Variants in NYNRIN observed in about 807,000 individuals in gnomAD.
The protein encoded by NYNRIN is protein NYNRIN.
In NYNRIN, 86 loss-of-function variants were observed where a neutral mutation model predicts 146.6. That is an observed-to-expected ratio of 0.59 (90% CI 0.49 to 0.70). NYNRIN has a LOEUF of 0.70. NYNRIN is among the 30% of genes least tolerant of loss of function. The pLI is 0.00. For missense variants in NYNRIN, 2,191 were observed against 2,377.7 expected, an observed-to-expected ratio of 0.92 and a Z score of 1.63; for synonymous variants, 1,027 against 1,001.3, an observed-to-expected ratio of 1.03 and a Z score of -0.48.
Position 24,408,443 on chromosome 14 carries a change from C to T in NYNRIN, c.773C>T (p.Ser258Leu). 6.2e-7 allele frequency: 1 copy of T among 1,612,980 alleles called. No individual in the cohort carries two copies. The highest frequency in any genetic ancestry group is 8.5e-7 in the Non-Finnish European group (1 of 1,179,488). The change falls in exon 3 of 9, where the codon TCA becomes TTA. Residue 258 changes from serine to leucine, a missense_variant. Physicochemically the swap from Ser to Leu is moderately radical, Grantham distance 145. Around this residue, in one of 3 missense-constraint regions of NYNRIN, gnomAD observed 895 missense variants for 941.2 expected, o/e 0.95. Transcript: ENST00000382554. ...GTLQNRGPEN[S>L]KRLSSLGATG... ...CTCCAGAACAGGGGCCCAGAAAATT[C>T]AAAGAGATTATCTAGCCTGGGAGCC... is the stretch of plus-strand genomic sequence containing the variant.
At position 24,417,583 on chromosome 14, in the gene NYNRIN, T is replaced by C; in HGVS notation, c.*137T>C. ...GTAGAGAACTTGCTTCATAAAGCTTTGCTGAATTGCCTTGAACTAGGGACC... is the reference window on the plus strand; with the variant it reads ...GTAGAGAACTTGCTTCATAAAGCTTCGCTGAATTGCCTTGAACTAGGGACC... On this transcript the variant is annotated 3_prime_UTR_variant, in exon 9 of 9. Coordinates refer to ENST00000382554, the MANE Select transcript of NYNRIN (RefSeq NM_025081.3). The C allele has an allele frequency of 8.0e-7, 1 of 1,245,216 alleles. No homozygotes were observed. The highest frequency in any genetic ancestry group is 1.1e-6 in the Non-Finnish European group (1 of 952,362). 77.1% of individuals were successfully genotyped at this position (1,245,216 alleles called of 1,614,324 possible).
In NYNRIN at chr14:24,407,879, A is replaced by G. The variant is rs1464270461; in HGVS notation, c.209A>G (p.Lys70Arg). The change falls in exon 3 of 9, where the codon AAG becomes AGG. Residue 70 changes from lysine (K) to arginine (R), a missense_variant. This residue lies in a region of NYNRIN where 895 missense variants were observed against 941.2 expected (regional missense o/e 0.95). Coordinates refer to ENST00000382554, the MANE Select transcript of NYNRIN (RefSeq NM_025081.3). Reference protein sequence around the residue: ...ENMGKAKEYLKGLCSPELWKE... With the variant: ...ENMGKAKEYLRGLCSPELWKE... ...CCCCATTGTGCCCAGGAATACCTGAAGGGCCTGTGCAGCCCAGAGCTGTGG... is the reference window on the plus strand; with the variant it reads ...CCCCATTGTGCCCAGGAATACCTGAGGGGCCTGTGCAGCCCAGAGCTGTGG... 1 of 1,604,898 alleles carries G rather than the reference A, an allele frequency of 6.2e-7. No homozygotes were observed. Among genetic ancestry groups the G allele is most frequent in the South Asian group, 1.1e-5 (1 of 90,312 alleles).
At chr14:24,404,813 A>G (rs2042866277) in intron 2 of NYNRIN, among the ~76,000 whole-genome samples, 1 of 152,156 alleles carries the variant, frequency 6.6e-6, no homozygotes, top group African/African-American at 2.4e-5. Flanking sequence ...AGTGGGAAGA[A>G]TGAGTTTCTC....
At position 24,416,809 on chromosome 14, in the gene NYNRIN, G is replaced by T. The variant is rs758775630; in HGVS notation, c.5060G>T (p.Arg1687Leu). Residue 1687 changes from arginine (R) to leucine (L), a missense_variant, in exon 9 of 9, where the codon CGG becomes CTG. This residue lies in a region of NYNRIN where 1,291 missense variants were observed against 1,417.0 expected (regional missense o/e 0.91). Coordinates refer to ENST00000382554, the MANE Select transcript of NYNRIN (RefSeq NM_025081.3). ...LEAAQGPQFARHVLVSCGLAL... is the reference protein window; with the variant it reads ...LEAAQGPQFALHVLVSCGLAL... ...GCAGCCCAGGGGCCCCAGTTTGCCC[G>T]GCACGTCCTTGTGAGCTGTGGGCTG... 2 of 1,612,064 alleles carry T rather than the reference G, an allele frequency of 1.2e-6. No homozygotes were observed. Among genetic ancestry groups the T allele is most frequent in the Non-Finnish European group, 1.7e-6 (2 of 1,178,972 alleles).
In NYNRIN at chr14:24,416,880, C is replaced by T. The variant is rs750891833; in HGVS notation, c.5131C>T (p.Pro1711Ser). 1.9e-6 allele frequency: 3 copies of T among 1,607,200 alleles called. No homozygotes were observed. The highest frequency in any genetic ancestry group is 2.2e-5 in the South Asian group (2 of 90,452). The change falls in exon 9 of 9, where the codon CCC (proline) becomes TCC (serine). Residue 1711 changes from proline (P) to serine (S), a missense_variant. By Grantham distance (74) the Pro-to-Ser change is moderately conservative. Coordinates refer to ENST00000382554, the MANE Select transcript of NYNRIN (RefSeq NM_025081.3). The stretch of plus-strand genomic sequence containing the variant: ...CTCCCTGAGTCGGGACCTCCAGTTC[C>T]CCTGCCTGACGAGCTCAGGGGCCTA... ...VASLSRDLQFPCLTSSGAYWE... is the reference protein window; with the variant it reads ...VASLSRDLQFSCLTSSGAYWE...
At chr14:24,410,266 C>T (rs1360733484) in intron 4 of NYNRIN, 58 bp downstream of exon 4, 1 of 1,383,302 alleles carries the variant, frequency 7.2e-7, no homozygotes, top group Non-Finnish European at 9.9e-7. Flanking sequence ...GGCAGGGCAT[C>T]CCTGGGGGAC....
rs1045933777 is a variant in NYNRIN at position 24,399,326 on chromosome 14, A to G, written c.80A>G (p.Gln27Arg). Residue 27 changes from glutamine (Q) to arginine (R), a missense_variant, in exon 2 of 9, where the codon CAG becomes CGG. Physicochemically the swap from Gln to Arg is conservative, Grantham distance 43 (BLOSUM62 1). Transcript: ENST00000382554. ...QTKSKPRVQRQRLQVQRIFRV... is the reference protein window; with the variant it reads ...QTKSKPRVQRRRLQVQRIFRV... ...AAATCGAAGCCTCGGGTGCAGCGGCAGCGGCTGCAAGTGCAGCGCATCTTT... is the reference window on the plus strand; with the variant it reads ...AAATCGAAGCCTCGGGTGCAGCGGCGGCGGCTGCAAGTGCAGCGCATCTTT... 1 of 1,613,828 alleles carries G rather than the reference A, an allele frequency of 6.2e-7. No individual in the cohort carries two copies. The highest frequency in any genetic ancestry group is 1.3e-5 in the African/African-American group (1 of 75,060).
At chr14:24,408,564 T>A in intron 3 of NYNRIN, 37 bp downstream of exon 3, 1 of 1,542,148 alleles carries the variant, frequency 6.5e-7, no homozygotes, top group South Asian at 1.3e-5. Context: ...TCTCTGATCC[T>A]ACCCCTGCTC....
intron 3 of NYNRIN, 50 bp from the exon 4 acceptor site, chr14:24,408,602 T>C (rs1199654255): frequency 6.5e-7 from 1 of 1,543,644 alleles, no homozygotes; most frequent in East Asian, 2.3e-5. Flanking sequence ...AGTAATAGTT[T>C]GGGACCAAAC....
At chr14:24,403,181 G>A (rs1192560696) in intron 2 of NYNRIN, among the ~76,000 whole-genome samples, 1 of 152,190 alleles carries the variant, frequency 6.6e-6, no homozygotes, top group East Asian at 1.9e-4. Flanking sequence ...AGTGTACTAT[G>A]ATTTTGTTTT....
At position 24,413,004 on chromosome 14, in the gene NYNRIN, G is replaced by T. The variant is rs751644731; in HGVS notation, c.2650G>T (p.Val884Leu). 5.6e-6 allele frequency: 9 copies of T among 1,595,040 alleles called. No homozygotes were observed. Among genetic ancestry groups the T allele is most frequent in the Non-Finnish European group, 7.7e-6 (9 of 1,170,346 alleles). The change falls in exon 7 of 9, where the codon GTA (valine) becomes TTA (leucine). Residue 884 changes from valine (V) to leucine (L), a missense_variant. Coordinates refer to ENST00000382554, the MANE Select transcript of NYNRIN (RefSeq NM_025081.3). ...KITTYDYRFM[V>L]KLAEETDGII... ...CTTCCCCTCTCCCTGCAGGTTCATG[G>T]TAAAGCTGGCAGAGGAGACAGATGG...
In NYNRIN at chr14:24,409,197, T is replaced by C. The variant is rs757034250; in HGVS notation, c.1403T>C (p.Val468Ala). Residue 468 changes from valine (V) to alanine (A), a missense_variant, in exon 4 of 9, where the codon GTA becomes GCA. Coordinates refer to ENST00000382554, the MANE Select transcript of NYNRIN (RefSeq NM_025081.3). ...SLLVVPGSSD[V>A]KDKVSSDLPQ... ...TTGGTGGTCCCTGGGAGCTCAGATG[T>C]AAAAGACAAAGTTAGCTCGGATCTC... 7 of 1,613,684 alleles carry C rather than the reference T, an allele frequency of 4.3e-6. No individual in the cohort carries two copies. The highest frequency in any genetic ancestry group is 5.9e-6 in the Non-Finnish European group (7 of 1,179,810).
Position 24,408,309 on chromosome 14 carries a change from C to T in NYNRIN, c.639C>T (p.Asp213=). ...GGCTCAGCCGCTTCGGCATCTCTGA[C>T]TCCCACTCCGATCCGGAGGTTCTAA... The part of the protein sequence containing the change: ...IEWLSRFGIS[D]SHSDPEVLIC... Residue 213 remains aspartate, a synonymous_variant, in exon 3 of 9, where the codon GAC becomes GAT. Transcript: ENST00000382554. The T allele has an allele frequency of 6.2e-7, 1 of 1,613,478 alleles. No homozygotes were observed. Among genetic ancestry groups the T allele is most frequent in the South Asian group, 1.1e-5 (1 of 91,090 alleles).
chr14:24,404,693 C>A (rs542429905), intron 2 of NYNRIN, among the ~76,000 whole-genome samples: 2 of 152,078 alleles, frequency 1.3e-5, no homozygotes, highest in Non-Finnish European at 2.9e-5. Context: ...GGTTAGGGAC[C>A]CCGTTTTGTG....
intron 2 of NYNRIN, among the ~76,000 whole-genome samples, chr14:24,400,620 T>G (rs1486785706): frequency 6.6e-6 from 1 of 152,044 alleles, no homozygotes; most frequent in Non-Finnish European, 1.5e-5. Flanking sequence ...GGAAGGGGTG[T>G]CTTCCCAAAG....
chr14:24,407,772 A>G, intron 2 of NYNRIN, 97 bp from the exon 3 acceptor site: 1 of 1,177,522 alleles, frequency 8.5e-7, no homozygotes, highest in Non-Finnish European at 1.2e-6. Flanking sequence ...GTGGGGCCAC[A>G]TGGTTAGTGA....
Position 24,418,817 on chromosome 14 carries a change from G to A in NYNRIN, c.*1371G>A, listed in dbSNP as rs1566489654. ...ACAGCAGAGGAAAGAGGATCACAGAGGGAAAATGATTCACCCAAAGTCACA... is the reference window on the plus strand; with the variant it reads ...ACAGCAGAGGAAAGAGGATCACAGAAGGAAAATGATTCACCCAAAGTCACA... On this transcript the variant is annotated 3_prime_UTR_variant, in exon 9 of 9. Coordinates refer to ENST00000382554, the MANE Select transcript of NYNRIN (RefSeq NM_025081.3). 2 of 152,478 alleles carry A rather than the reference G, an allele frequency of 1.3e-5. No homozygotes were observed. The highest frequency in any genetic ancestry group is 6.5e-5 in the Admixed American group (1 of 15,318). 9.4% of individuals were successfully genotyped at this position (152,478 alleles called of 1,614,324 possible).
At chr14:24,403,105 C>T (rs1241056876) in intron 2 of NYNRIN, among the ~76,000 whole-genome samples, 1 of 152,230 alleles carries the variant, frequency 6.6e-6, no homozygotes, top group East Asian at 1.9e-4. Context: ...TTTCAATTAC[C>T]TGCTAAATCT....
intron 2 of NYNRIN, among the ~76,000 whole-genome samples, chr14:24,400,286 C>G (rs1386671201): frequency 6.6e-6 from 1 of 152,228 alleles, no homozygotes; most frequent in Non-Finnish European, 1.5e-5. Context: ...CCTGGCTTCT[C>G]TCACAAGCTT....
Sources: gnomAD v4.1 joint callset for allele counts (sites outside exome capture counted in the v4.1 genomes callset) on GRCh38, gnomAD v4.1.1 for gene constraint, gnomAD v4.1.1 regional missense constraint, MANE v1.5 for transcripts, NCBI Gene and HGNC (gene_info 2026-07-23, HGNC 2026-07-21) for gene names.